FBXO15: variants seen among roughly 807,000 people sequenced by gnomAD.
The protein encoded by FBXO15 is F-box only protein 15.
FBXO15 carries 30 observed loss-of-function variants against 49.5 expected under a neutral mutation model. That is an observed-to-expected ratio of 0.61 (90% CI 0.45 to 0.82). The LOEUF is 0.82. Among genes scored for constraint, FBXO15 ranks in the 40% least tolerant of loss-of-function variants. The probability of loss-of-function intolerance (pLI) is 0.00; values close to 1 mark genes in which losing one functional copy is unlikely to be tolerated. For missense variants in FBXO15, 591 were observed against 631.5 expected (o/e 0.94, Z 0.69); for synonymous variants, 250 against 232.7 (o/e 1.07, Z -0.68).
At chr18:74,117,744 G>A (rs1914293334) in intron 8 of FBXO15, among the ~76,000 whole-genome samples, 2 of 152,132 alleles carry the variant, frequency 1.3e-5, no homozygotes, top group Non-Finnish European at 2.9e-5. Flanking sequence ...AACCTATAAT[G>A]AGTGCTCAAA....
chr18:74,080,327 A>C (rs1183371740), intron 9 of FBXO15, among the ~76,000 whole-genome samples: 1 of 152,240 alleles, frequency 6.6e-6, no homozygotes, highest in Non-Finnish European at 1.5e-5. Flanking sequence ...CAAGAGCATA[A>C]AAGGCAAACA....
intron 8 of FBXO15, among the ~76,000 whole-genome samples, chr18:74,091,059 A>G (rs181096018): frequency 6.0e-4 from 92 of 152,316 alleles, no homozygotes; most frequent in African/African-American, 2.2e-3. Context: ...AACTTGCTAT[A>G]TAAATCTGGG....
At chr18:74,135,041 G>A (rs1313353051) in intron 3 of FBXO15, among the ~76,000 whole-genome samples, 2 of 152,040 alleles carry the variant, frequency 1.3e-5, no homozygotes, top group African/African-American at 2.4e-5. Flanking sequence ...TGTAAGCCAC[G>A]AAATCCTCAC....
intron 8 of FBXO15, among the ~76,000 whole-genome samples, chr18:74,110,763 T>C (rs2145165033): frequency 6.6e-6 from 1 of 152,204 alleles, no homozygotes; most frequent in South Asian, 2.1e-4. Context: ...TAAGTAGCTA[T>C]CTGTCAGACA....
chr18:74,103,713 T>G (rs556201249), intron 8 of FBXO15, among the ~76,000 whole-genome samples: 17 of 152,162 alleles, frequency 1.1e-4, no homozygotes, highest in African/African-American at 3.6e-4. Context: ...GGGAATGAAA[T>G]GACATTTTCA....
intron 8 of FBXO15, 125 bp downstream of exon 8, chr18:74,123,243 G>T: frequency 1.9e-6 from 2 of 1,028,512 alleles, no homozygotes; most frequent in Non-Finnish European, 2.9e-6. Flanking sequence ...ACGGGTCTGG[G>T]AGGATACTGG....
chr18:74,133,777 G>C (rs1486050755), intron 3 of FBXO15, among the ~76,000 whole-genome samples: 5 of 152,200 alleles, frequency 3.3e-5, no homozygotes, highest in Admixed American at 3.3e-4. Context: ...ACACGGCAGA[G>C]AGAGAGAAAT....
At chr18:74,139,156 C>A (rs1978909312) in intron 2 of FBXO15, among the ~76,000 whole-genome samples, 1 of 152,196 alleles carries the variant, frequency 6.6e-6, no homozygotes, top group Admixed American at 6.5e-5. Context: ...GTAAGTCTTT[C>A]CTCACCACGC....
At chr18:74,123,836 G>T (rs1341361878) in intron 7 of FBXO15, among the ~76,000 whole-genome samples, 2 of 152,000 alleles carry the variant, frequency 1.3e-5, no homozygotes, top group Non-Finnish European at 2.9e-5. Context: ...CAGTGTCCAG[G>T]GGACAAAAGT....
intron 8 of FBXO15, among the ~76,000 whole-genome samples, chr18:74,087,042 T>A (rs1410961636): frequency 6.6e-6 from 1 of 152,256 alleles, no homozygotes; most frequent in Non-Finnish European, 1.5e-5. Flanking sequence ...TACTATACTC[T>A]TTTAAATGTG....
intron 1 of FBXO15, among the ~76,000 whole-genome samples, chr18:74,142,514 C>T (rs1368189198): frequency 2.6e-5 from 4 of 152,178 alleles, no homozygotes; most frequent in African/African-American, 9.7e-5. Flanking sequence ...GCCGTGCTCC[C>T]TCTGAAGGCT....
chr18:74,079,512 G>A (rs924629153), intron 9 of FBXO15, among the ~76,000 whole-genome samples: 2 of 152,150 alleles, frequency 1.3e-5, no homozygotes, highest in African/African-American at 2.4e-5. Context: ...AAGTCAAGTG[G>A]TGAAGGTGGT....
At chr18:74,126,927 G>A (rs1202551157) in intron 5 of FBXO15, among the ~76,000 whole-genome samples, 3 of 152,242 alleles carry the variant, frequency 2.0e-5, no homozygotes, top group African/African-American at 7.2e-5. Flanking sequence ...TGGGTAAGGA[G>A]AGACGGTCGG....
chr18:74,128,175 T>C (rs182527445), intron 5 of FBXO15, among the ~76,000 whole-genome samples: 9 of 152,126 alleles, frequency 5.9e-5, no homozygotes, highest in Non-Finnish European at 7.4e-5. Context: ...ATTAAGAATA[T>C]TTTTAGAGTA....
Position 74,134,614 on chromosome 18 carries a change from C to T in FBXO15, c.332+1148G>A, listed in dbSNP as rs376905274. On this transcript the variant is annotated intron_variant, in intron 3 of 9. Coordinates refer to ENST00000419743, the MANE Select transcript of FBXO15 (RefSeq NM_001142958.2). The stretch of plus-strand genomic sequence containing the variant: ...CGATCTCCTGACCTCGTGATCCGCC[C>T]GCCTCGGCCTCCCAAAGTGCTGGGA... Among the ~76,000 whole-genome samples, 57 of 152,154 alleles carry T rather than the reference C, an allele frequency of 3.7e-4. No individual in the cohort carries two copies. In the East Asian group the frequency reaches 9.9e-3, roughly 26 times the overall value.
chr18:74,097,615 A>G (rs1207558130), intron 8 of FBXO15: 2 of 152,304 alleles, frequency 1.3e-5, no homozygotes, highest in Non-Finnish European at 2.9e-5. Context: ...GACCCACCCA[A>G]GGAGAGTCTG....
chr18:74,127,931 GC>G (rs1424995162), intron 5 of FBXO15, among the ~76,000 whole-genome samples: 1 of 152,114 alleles, frequency 6.6e-6, no homozygotes, highest in Non-Finnish European at 1.5e-5. Flanking sequence ...TTCATGATAT[GC>G]CAAGTAACAT....
At chr18:74,117,426 C>G (rs1914279304) in intron 8 of FBXO15, among the ~76,000 whole-genome samples, 1 of 152,168 alleles carries the variant, frequency 6.6e-6, no homozygotes, top group Admixed American at 6.6e-5. Flanking sequence ...CCTACCCTGA[C>G]CACACTTACA....
intron 9 of FBXO15, among the ~76,000 whole-genome samples, chr18:74,079,551 A>C (rs1912399101): frequency 6.6e-6 from 1 of 152,236 alleles, no homozygotes; most frequent in Admixed American, 6.5e-5. Flanking sequence ...ACCACAATTA[A>C]AATACAGCTC....
Sources: gnomAD v4.1 joint callset for allele counts (sites outside exome capture counted in the v4.1 genomes callset) on GRCh38, gnomAD v4.1.1 for gene constraint, MANE v1.5 for transcripts, NCBI Gene and HGNC (gene_info 2026-07-23, HGNC 2026-07-21) for gene names.